The following DOCK1 variants were observed in gnomAD, a reference collection of about 807,000 sequenced individuals.
The protein encoded by DOCK1 is dedicator of cytokinesis protein 1.
Under a neutral mutation model 262.7 loss-of-function variants are expected in DOCK1, and 138 were observed. That is an observed-to-expected ratio of 0.53 (90% CI 0.46 to 0.61). The LOEUF (loss-of-function observed/expected upper bound fraction) is 0.61. DOCK1 is among the 20% of genes least tolerant of loss of function. The probability of loss-of-function intolerance (pLI) is 0.00; values close to 1 mark genes in which losing one functional copy is unlikely to be tolerated. For synonymous variants in DOCK1, 866 were observed against 867.4 expected (o/e 1.00, Z 0.03); for missense variants, 1,908 against 2,370.7 (o/e 0.80, Z 4.05).
At chr10:127,122,025 A>G (rs1167546320) in intron 25 of DOCK1, among the ~76,000 whole-genome samples, 1 of 152,222 alleles carries the variant, frequency 6.6e-6, no homozygotes, top group African/African-American at 2.4e-5. Flanking sequence ...GCAAGGAGGA[A>G]CAGATAATTA....
intron 27 of DOCK1, among the ~76,000 whole-genome samples, chr10:127,192,037 T>G (rs756261019): frequency 7.9e-5 from 12 of 152,240 alleles, no homozygotes; most frequent in Non-Finnish European, 1.6e-4. Context: ...AATATAAACT[T>G]CAACAAGCAT....
chr10:127,216,264 T>C (rs2134387459), intron 27 of DOCK1, among the ~76,000 whole-genome samples: 1 of 150,982 alleles, frequency 6.6e-6, no homozygotes, highest in African/African-American at 2.4e-5. Flanking sequence ...GAAGTAGCTA[T>C]CTGTGAGCTT....
chr10:127,201,986 G>C (rs1176079709), intron 27 of DOCK1, among the ~76,000 whole-genome samples: 2 of 152,130 alleles, frequency 1.3e-5, no homozygotes, highest in Non-Finnish European at 2.9e-5. Flanking sequence ...TTCTCATAAA[G>C]TGGCTGACAT....
intron 1 of DOCK1, 28 bp downstream of exon 1, chr10:126,905,591 C>T (rs752959295): frequency 8.3e-6 from 3 of 360,500 alleles, no homozygotes; most frequent in Non-Finnish European, 1.5e-5. Flanking sequence ...CGCCGCGCCT[C>T]TCGCCCCAAG....
At chr10:127,073,881 A>G (rs143234352) in intron 23 of DOCK1, among the ~76,000 whole-genome samples, 4 of 152,296 alleles carry the variant, frequency 2.6e-5, no homozygotes, top group East Asian at 3.9e-4. Context: ...TTTTGCAGCT[A>G]TTCTTTGGAG....
At position 127,447,476 on chromosome 10, in the gene DOCK1, C is replaced by T. The variant is rs1409081476; in HGVS notation, c.5496C>T (p.Tyr1832=). Residue 1832 remains tyrosine (Y), a synonymous_variant, in exon 51 of 52, where the codon TAC becomes TAT. Transcript: ENST00000623213. ...CTCTCAAAGGCAGCGTGGCAGATTA[C>T]GGGAATTTGATGGAAAACCAGGACT... ...PLPLKGSVAD[Y]GNLMENQDLL... 6 of 1,613,808 alleles carry T rather than the reference C, an allele frequency of 3.7e-6. No homozygotes were observed. In the Admixed American group the frequency reaches 6.7e-5, roughly 18 times the overall value.
chr10:127,426,045 G>A (rs767040925), intron 47 of DOCK1, 34 bp downstream of exon 47: 3 of 1,611,704 alleles, frequency 1.9e-6, no homozygotes, highest in Non-Finnish European at 2.5e-6. Flanking sequence ...TTGCAGAAGA[G>A]TGGGTGTCTG....
At chr10:126,967,200 A>C (rs1257220641) in intron 1 of DOCK1, among the ~76,000 whole-genome samples, 1 of 152,208 alleles carries the variant, frequency 6.6e-6, no homozygotes, top group Non-Finnish European at 1.5e-5. Context: ...ACAACATCTT[A>C]GATGCCATTT....
Position 127,355,005 on chromosome 10 carries a change from G to A in DOCK1, c.3283+278G>A, listed in dbSNP as rs148209845. On this transcript the variant is annotated intron_variant, in intron 32 of 51. Transcript: ENST00000623213. ...GGCTTGGAGCTCCTCCCTCCCTGGT[G>A]TTGCCTCCCTCCCTCAGTTGCCTCA... 9.8e-5 allele frequency among the ~76,000 whole-genome samples: 15 copies of A among 152,314 alleles called. No homozygotes were observed. The East Asian group carries it at 2.9e-3, about 29-fold the overall frequency.
At chr10:127,006,922 C>T (rs1398846177) in intron 10 of DOCK1, among the ~76,000 whole-genome samples, 3 of 152,122 alleles carry the variant, frequency 2.0e-5, no homozygotes, top group African/African-American at 7.2e-5. Context: ...TCATCGTGGG[C>T]TGCTGCCTAA....
At chr10:127,139,735 T>A (rs1169202981) in intron 27 of DOCK1, among the ~76,000 whole-genome samples, 1 of 152,148 alleles carries the variant, frequency 6.6e-6, no homozygotes, top group East Asian at 1.9e-4. Context: ...TAAACTTCAA[T>A]TCTTTCACTT....
At chr10:127,407,680 C>T (rs769738469) in intron 40 of DOCK1, among the ~76,000 whole-genome samples, 2 of 152,248 alleles carry the variant, frequency 1.3e-5, no homozygotes, top group Non-Finnish European at 2.9e-5. Flanking sequence ...TGTCTCTGTT[C>T]GTCTCCCTCT....
At chr10:127,199,202 A>T (rs1189460512) in intron 27 of DOCK1, among the ~76,000 whole-genome samples, 1 of 152,202 alleles carries the variant, frequency 6.6e-6, no homozygotes, top group Non-Finnish European at 1.5e-5. Flanking sequence ...TCCTAAAAGC[A>T]GAGGAATAAA....
chr10:127,122,534 C>T (rs984628514), intron 25 of DOCK1, among the ~76,000 whole-genome samples: 5 of 152,066 alleles, frequency 3.3e-5, no homozygotes, highest in Non-Finnish European at 5.9e-5. Context: ...GTAGACATCG[C>T]CCCACCTCCC....
chr10:127,408,708 C>T (rs866360770), intron 40 of DOCK1, among the ~76,000 whole-genome samples: 1 of 152,320 alleles, frequency 6.6e-6, no homozygotes, highest in Admixed American at 6.5e-5. Flanking sequence ...ATTTCATGCC[C>T]ATTCTAGTGT....
intron 27 of DOCK1, among the ~76,000 whole-genome samples, chr10:127,190,721 T>TC (rs2056689298): frequency 8.5e-6 from 1 of 117,568 alleles, no homozygotes; most frequent in Non-Finnish European, 1.6e-5. Flanking sequence ...GCCATTAAAA[T>TC]CCCCCACCGC....
At chr10:126,958,753 A>T (rs927783839) in intron 1 of DOCK1, among the ~76,000 whole-genome samples, 46 of 152,230 alleles carry the variant, frequency 3.0e-4, no homozygotes, top group African/African-American at 1.1e-3. Context: ...GGCGCTGCTT[A>T]GTTCTTGCTG....
At chr10:126,981,892 C>T (rs752156316) in intron 3 of DOCK1, 26 bp from the exon 4 acceptor site, 3 of 1,601,172 alleles carry the variant, frequency 1.9e-6, no homozygotes, top group Middle Eastern at 1.7e-4. Context: ...ATAATAAAAG[C>T]TACTGTTTTT....
chr10:127,324,984 G>A (rs769940695), intron 29 of DOCK1, among the ~76,000 whole-genome samples: 10 of 152,150 alleles, frequency 6.6e-5, no homozygotes, highest in Non-Finnish European at 1.5e-4. Flanking sequence ...GTTGGGCACT[G>A]TCCTTCAACA....
Sources: gnomAD v4.1 joint callset for allele counts (sites outside exome capture counted in the v4.1 genomes callset) on GRCh38, gnomAD v4.1.1 for gene constraint, MANE v1.5 for transcripts, NCBI Gene and HGNC (gene_info 2026-07-23, HGNC 2026-07-21) for gene names.